The following NR3C2 variants were observed in gnomAD, a reference collection of about 807,000 sequenced individuals.
NR3C2 encodes mineralocorticoid receptor.
Under a neutral mutation model 86.4 loss-of-function variants are expected in NR3C2, and 15 were observed. That is an observed-to-expected ratio of 0.17 (90% CI 0.12 to 0.27). NR3C2 has a LOEUF of 0.27. Ranked by LOEUF, NR3C2 falls within the 10% of genes least tolerant of loss-of-function variation. NR3C2 has a pLI of 1.00. For missense variants in NR3C2, 960 were observed against 1,195.6 expected (o/e 0.80, Z 2.91); for synonymous variants, 458 against 450.5 (o/e 1.02, Z -0.21).
At chr4:148,220,233 C>T (rs1404666165) in intron 3 of NR3C2, among the ~76,000 whole-genome samples, 4 of 152,002 alleles carry the variant, frequency 2.6e-5, no homozygotes, top group Admixed American at 6.6e-5. Flanking sequence ...ACCACAGGCA[C>T]GCACCACCAA....
chr4:148,318,130 G>GA (rs1434500741), intron 2 of NR3C2, among the ~76,000 whole-genome samples: 1 of 150,172 alleles, frequency 6.7e-6, no homozygotes. Flanking sequence ...GCGGTGTTTG[G>GA]TTTTTTGTTC....
At chr4:148,326,348 C>A (rs184740475) in intron 2 of NR3C2, among the ~76,000 whole-genome samples, 2,500 of 152,162 alleles carry the variant, frequency 0.016, 63 homozygotes, top group African/African-American at 0.057. Context: ...CTGCAGTGAA[C>A]TGAGATCATG....
chr4:148,256,829 C>A (rs554294934), intron 3 of NR3C2, among the ~76,000 whole-genome samples: 1 of 151,502 alleles, frequency 6.6e-6, no homozygotes, highest in Non-Finnish European at 1.5e-5. Context: ...GAAGACAGTT[C>A]TAAGTGTTTT....
At chr4:148,123,672 TAG>T (rs1252147531) in intron 6 of NR3C2, among the ~76,000 whole-genome samples, 1 of 152,178 alleles carries the variant, frequency 6.6e-6, no homozygotes, top group African/African-American at 2.4e-5. Flanking sequence ...TTATGGAAAA[TAG>T]AAAGAACCTA....
At chr4:148,276,005 T>G (rs1740942576) in intron 2 of NR3C2, among the ~76,000 whole-genome samples, 1 of 152,162 alleles carries the variant, frequency 6.6e-6, no homozygotes, top group African/African-American at 2.4e-5. Flanking sequence ...CAAAATTCCA[T>G]AGTACTATTT....
chr4:148,155,217 G>C (rs1372643690), intron 4 of NR3C2, among the ~76,000 whole-genome samples: 1 of 152,166 alleles, frequency 6.6e-6, no homozygotes, highest in Non-Finnish European at 1.5e-5. Flanking sequence ...TCCTCAACAA[G>C]TGTTCAGCCT....
At chr4:148,235,941 C>T (rs1738729602) in intron 3 of NR3C2, among the ~76,000 whole-genome samples, 1 of 152,200 alleles carries the variant, frequency 6.6e-6, no homozygotes, top group Admixed American at 6.5e-5. Context: ...TCCTTGCCAA[C>T]ATTTTTTCCT....
intron 2 of NR3C2, among the ~76,000 whole-genome samples, chr4:148,292,945 A>G (rs540336807): frequency 1.3e-5 from 2 of 152,266 alleles, no homozygotes; most frequent in Non-Finnish European, 2.9e-5. Flanking sequence ...AGGCTAGCAC[A>G]GGGAAAGGGG....
intron 3 of NR3C2, among the ~76,000 whole-genome samples, chr4:148,200,463 C>T (rs914762495): frequency 3.3e-5 from 5 of 152,080 alleles, no homozygotes; most frequent in African/African-American, 1.2e-4. Flanking sequence ...TCCCCACAAT[C>T]CTCTACATTC....
chr4:148,079,761 C>CTTA lies in NR3C2; in HGVS notation c.*1580_*1582dup, dbSNP rs72648703. On this transcript the variant is annotated 3_prime_UTR_variant, in exon 9 of 9. Coordinates refer to ENST00000358102, the MANE Select transcript of NR3C2 (RefSeq NM_000901.5). ...TCTCCAAAACTGTTTATGTATAAAA[C>CTTA]TTATTTTTAAAACCTACCTTTTAAA... 1.4e-4 allele frequency: 22 copies of CTTA among 152,684 alleles called. No individual in the cohort carries two copies. Among genetic ancestry groups the CTTA allele is most frequent in the African/African-American group, 5.1e-4 (21 of 41,538 alleles). The allele number at this position is 152,684 out of a possible 1,614,324, so 9.5% of individuals were successfully genotyped here.
chr4:148,154,143 G>A (rs1274118681), intron 5 of NR3C2, among the ~76,000 whole-genome samples: 1 of 151,826 alleles, frequency 6.6e-6, no homozygotes, highest in Non-Finnish European at 1.5e-5. Context: ...TGAGTAGCTG[G>A]GATTACAGGC....
chr4:148,315,268 C>T (rs1428020154), intron 2 of NR3C2, among the ~76,000 whole-genome samples: 2 of 152,148 alleles, frequency 1.3e-5, no homozygotes, highest in African/African-American at 4.8e-5. Flanking sequence ...AAACCACAGC[C>T]ACTCTTGGTG....
intron 2 of NR3C2, among the ~76,000 whole-genome samples, chr4:148,307,859 A>C (rs1286144178): frequency 6.6e-6 from 1 of 151,792 alleles, no homozygotes; most frequent in African/African-American, 2.4e-5. Context: ...AAAAAACAAA[A>C]CAAAACAAAA....
At chr4:148,289,982 A>G (rs1268944624) in intron 2 of NR3C2, among the ~76,000 whole-genome samples, 1 of 152,154 alleles carries the variant, frequency 6.6e-6, no homozygotes, top group Admixed American at 6.5e-5. Context: ...GGAAGCCTTG[A>G]GTGACTTAGA....
At chr4:148,281,135 TCTG>T (rs1176085621) in intron 2 of NR3C2, among the ~76,000 whole-genome samples, 2 of 152,208 alleles carry the variant, frequency 1.3e-5, no homozygotes, top group Admixed American at 1.3e-4. Context: ...AGGACCCCTC[TCTG>T]CTTTTTCTTT....
Position 148,318,026 on chromosome 4 carries a change from T to G in NR3C2, c.1758-57909A>C, listed in dbSNP as rs1414779227. On this transcript the variant is annotated intron_variant, in intron 2 of 8. Transcript: ENST00000358102. ...ATCTCCCAATGCTATCCCTCCCCCCTCCCCCCACCCCACAACAGTCCCCAG... is the reference window on the plus strand; with the variant it reads ...ATCTCCCAATGCTATCCCTCCCCCCGCCCCCCACCCCACAACAGTCCCCAG... Among the ~76,000 whole-genome samples, 4 of 81,686 alleles carry G rather than the reference T, an allele frequency of 4.9e-5. No homozygotes were observed. In the Admixed American group the frequency reaches 6.7e-4, roughly 14 times the overall value. 53.6% of individuals were successfully genotyped at this position (81,686 alleles called of 152,430 possible).
At chr4:148,214,769 G>A (rs1229559124) in intron 3 of NR3C2, among the ~76,000 whole-genome samples, 1 of 152,222 alleles carries the variant, frequency 6.6e-6, no homozygotes, top group Admixed American at 6.5e-5. Flanking sequence ...CAGGCTCCGT[G>A]TTGCCAGACC....
At chr4:148,334,648 C>A (rs532843537) in intron 2 of NR3C2, among the ~76,000 whole-genome samples, 1 of 152,168 alleles carries the variant, frequency 6.6e-6, no homozygotes, top group Non-Finnish European at 1.5e-5. Context: ...AGAAAAGGAA[C>A]AACCAATGTA....
intron 3 of NR3C2, among the ~76,000 whole-genome samples, chr4:148,209,408 T>C (rs1198923546): frequency 6.6e-6 from 1 of 152,082 alleles, no homozygotes; most frequent in African/African-American, 2.4e-5. Flanking sequence ...GCCTCTTGAG[T>C]AGCTAGAACT....
Sources: allele counts gnomAD v4.1 joint callset (sites outside exome capture counted in the v4.1 genomes callset), GRCh38; gene constraint gnomAD v4.1.1; transcripts MANE v1.5; gene names NCBI Gene and HGNC (gene_info 2026-07-23, HGNC 2026-07-21).